The following PLCE1 variants were observed in gnomAD, a reference collection of about 807,000 sequenced individuals.
PLCE1 encodes phospholipase C epsilon 1.
A neutral mutation model predicts 242.8 loss-of-function variants in PLCE1; 119 were observed. The ratio of observed to expected loss-of-function variants is 0.49; its 90% CI spans 0.42 to 0.57. The LOEUF (loss-of-function observed/expected upper bound fraction) is 0.57. Among genes scored for constraint, PLCE1 ranks in the 20% least tolerant of loss-of-function variants. The probability of loss-of-function intolerance (pLI) is 0.00; values close to 1 mark genes in which losing one functional copy is unlikely to be tolerated. For synonymous variants in PLCE1, 945 were observed against 1,017.4 expected, an observed-to-expected ratio of 0.93 and a Z score of 1.35; for missense variants, 2,441 against 2,788.8, an observed-to-expected ratio of 0.88 and a Z score of 2.81.
At chr10:94,221,041 G>C (rs192158587) in intron 4 of PLCE1, among the ~76,000 whole-genome samples, 1 of 152,320 alleles carries the variant, frequency 6.6e-6, no homozygotes, top group East Asian at 1.9e-4. Context: ...TGGTACTACA[G>C]AAATGACGCC....
chr10:94,009,138 A>G (rs1487969805), intron 1 of PLCE1, among the ~76,000 whole-genome samples: 1 of 152,210 alleles, frequency 6.6e-6, no homozygotes, highest in Non-Finnish European at 1.5e-5. Flanking sequence ...CATAGGAAAC[A>G]TGGTACTGGC....
chr10:94,134,832 C>A (rs2046716329), intron 3 of PLCE1, among the ~76,000 whole-genome samples: 1 of 152,162 alleles, frequency 6.6e-6, no homozygotes, highest in Non-Finnish European at 1.5e-5. Context: ...AGACTGTCAG[C>A]TAATGTGTTA....
intron 30 of PLCE1, 141 bp downstream of exon 30, chr10:94,322,200 C>G (rs1304372222): frequency 1.2e-6 from 1 of 816,972 alleles, no homozygotes; most frequent in East Asian, 2.6e-5. Flanking sequence ...CCTCTTAAGG[C>G]TGGGAAATTG....
At chr10:94,273,120 G>T (rs2051811589) in intron 18 of PLCE1, among the ~76,000 whole-genome samples, 1 of 152,170 alleles carries the variant, frequency 6.6e-6, no homozygotes, top group Admixed American at 6.6e-5. Flanking sequence ...TGTGAGAATT[G>T]TGTCTGTGGT....
chr10:94,271,594 G>A (rs577956711), intron 18 of PLCE1, among the ~76,000 whole-genome samples: 3 of 152,118 alleles, frequency 2.0e-5, no homozygotes, highest in South Asian at 2.1e-4. Context: ...GATTACATAC[G>A]TGAGGCACCG....
chr10:94,007,699 CT>C (rs80098906), intron 1 of PLCE1, among the ~76,000 whole-genome samples: 2,086 of 64,106 alleles, frequency 0.033, 12 homozygotes, highest in African/African-American at 0.053. Flanking sequence ...AGCCTACTTT[CT>C]TTTTTTTTTT....
At chr10:94,199,273 C>T (rs1005809454) in intron 4 of PLCE1, among the ~76,000 whole-genome samples, 6 of 152,142 alleles carry the variant, frequency 3.9e-5, no homozygotes, top group East Asian at 3.9e-4. Context: ...TTTTACGAAG[C>T]GTTATGCGAA....
At chr10:94,315,297 G>T (rs1023410104) in intron 28 of PLCE1, 1 of 419,228 alleles carries the variant, frequency 2.4e-6, no homozygotes, top group Non-Finnish European at 4.7e-6. Flanking sequence ...TTCGCTCTGG[G>T]CTTTGCCTTA....
intron 4 of PLCE1, among the ~76,000 whole-genome samples, chr10:94,214,275 G>A (rs563552722): frequency 6.6e-6 from 1 of 152,104 alleles, no homozygotes; most frequent in Non-Finnish European, 1.5e-5. Flanking sequence ...AGTAAGGCAC[G>A]ATCATTTACC....
chr10:94,103,418 G>A (rs889016426), intron 2 of PLCE1, among the ~76,000 whole-genome samples: 2 of 152,176 alleles, frequency 1.3e-5, no homozygotes, highest in Non-Finnish European at 2.9e-5. Context: ...AGCAATCATT[G>A]TAAAAACAGA....
At chr10:94,049,340 A>G (rs1375156037) in intron 2 of PLCE1, among the ~76,000 whole-genome samples, 2 of 152,138 alleles carry the variant, frequency 1.3e-5, no homozygotes, top group East Asian at 3.9e-4. Flanking sequence ...TTGATTTTGT[A>G]TATGGTGTGA....
At chr10:94,045,681 C>G (rs1200141457) in intron 2 of PLCE1, among the ~76,000 whole-genome samples, 2 of 152,186 alleles carry the variant, frequency 1.3e-5, no homozygotes, top group Admixed American at 1.3e-4. Flanking sequence ...AACCCTAATG[C>G]CTTTACAGTT....
chr10:94,226,575 G>C (rs1354363976), intron 4 of PLCE1, among the ~76,000 whole-genome samples: 1 of 151,954 alleles, frequency 6.6e-6, no homozygotes, highest in African/African-American at 2.4e-5. Context: ...GTAAAAGATT[G>C]TTTAAAAATG....
intron 18 of PLCE1, among the ~76,000 whole-genome samples, chr10:94,272,616 T>G (rs900345149): frequency 2.0e-5 from 3 of 152,310 alleles, no homozygotes; most frequent in African/African-American, 7.2e-5. Flanking sequence ...GTATGAATTT[T>G]GGGAACGATA....
intron 23 of PLCE1, among the ~76,000 whole-genome samples, chr10:94,296,890 T>C (rs1309386008): frequency 6.6e-6 from 1 of 152,150 alleles, no homozygotes; most frequent in African/African-American, 2.4e-5. Flanking sequence ...CTTTTTTTTT[T>C]TGAGGCAGAG....
intron 2 of PLCE1, among the ~76,000 whole-genome samples, chr10:94,098,201 G>A (rs1266822748): frequency 6.6e-6 from 1 of 152,018 alleles, no homozygotes; most frequent in African/African-American, 2.4e-5. Context: ...AGATTGCTGG[G>A]GATTCACCAT....
intron 4 of PLCE1, among the ~76,000 whole-genome samples, chr10:94,189,910 C>T (rs923641380): frequency 6.6e-6 from 1 of 152,196 alleles, no homozygotes; most frequent in Non-Finnish European, 1.5e-5. Flanking sequence ...TACTTATTAG[C>T]AGTGTATTTG....
chr10:94,319,362 A>G (rs185099138), intron 29 of PLCE1, among the ~76,000 whole-genome samples: 29 of 152,352 alleles, frequency 1.9e-4, no homozygotes, highest in Middle Eastern at 3.4e-3. Context: ...GTAAGAGGGC[A>G]CTACTAGAGG....
intron 4 of PLCE1, among the ~76,000 whole-genome samples, chr10:94,178,786 C>T (rs967052085): frequency 6.6e-6 from 1 of 152,194 alleles, no homozygotes; most frequent in Non-Finnish European, 1.5e-5. Flanking sequence ...GAAAGCATAG[C>T]ATATTATAAC....
Sources: gnomAD v4.1 joint callset for allele counts (sites outside exome capture counted in the v4.1 genomes callset) on GRCh38, gnomAD v4.1.1 for gene constraint, MANE v1.5 for transcripts, NCBI Gene and HGNC (gene_info 2026-07-23, HGNC 2026-07-21) for gene names.